The following SFTPB variants were observed in gnomAD, a reference collection of about 807,000 sequenced individuals.
SFTPB encodes pulmonary surfactant-associated protein B.
A neutral mutation model predicts 51.0 loss-of-function variants in SFTPB; 32 were observed. That is an observed-to-expected ratio of 0.63 (90% CI 0.47 to 0.84). The LOEUF (loss-of-function observed/expected upper bound fraction) is 0.84. Among genes scored for constraint, SFTPB ranks in the 40% least tolerant of loss-of-function variants. The pLI is 0.00. For missense variants in SFTPB, 431 were observed against 491.2 expected (o/e 0.88, Z 1.16); for synonymous variants, 211 against 208.5 (o/e 1.01, Z -0.10).
chr2:85,666,530 G>C, intron 4 of SFTPB, 87 bp downstream of exon 4: 3 of 1,270,364 alleles, frequency 2.4e-6, no homozygotes, highest in Non-Finnish European at 3.3e-6. Context: ...TGTCTGGCTG[G>C]CTGGGGTGCT....
rs1677411235 is a variant in SFTPB at position 85,663,472 on chromosome 2, C to T, written c.876G>A (p.Trp292Ter). The T allele has an allele frequency of 6.2e-7, 1 of 1,613,914 alleles. No homozygotes were observed. Among genetic ancestry groups the T allele is most frequent in the Admixed American group, 1.7e-5 (1 of 60,018 alleles). ...SAGPRSPTGE[W>*]LPRDSECHLC... Reference sequence around the variant, plus strand: ...GGTGGCACTCAGAGTCTCGCGGCAGCCATTCTCCTGTCGGCGACCCTGGAG... The same window carrying T: ...GGTGGCACTCAGAGTCTCGCGGCAGTCATTCTCCTGTCGGCGACCCTGGAG... The change falls in exon 8 of 11, where the codon TGG becomes TGA. Residue 292 changes from tryptophan to a stop codon, truncating the protein, a stop_gained. Transcript: ENST00000519937. LOFTEE classifies it high-confidence loss of function.
chr2:85,664,418 C>T (rs1677471183), intron 6 of SFTPB, among the ~76,000 whole-genome samples: 1 of 152,148 alleles, frequency 6.6e-6, no homozygotes, highest in Non-Finnish European at 1.5e-5. Flanking sequence ...GCCCTCAGCT[C>T]CGTCCCTGTC....
rs1015412274 is a variant in SFTPB at position 85,664,115 on chromosome 2, A to G, written c.673-268T>C. On this transcript the variant is annotated intron_variant, in intron 6 of 10. Coordinates refer to ENST00000519937, the MANE Select transcript of SFTPB (RefSeq NM_000542.5). ...CACAGCTAGTGACTCTCAGACTGAC[A>G]TGGTGGACCTGACCTTCCCCCAATG... Among the ~76,000 whole-genome samples, 4 of 152,286 alleles carry G rather than the reference A, an allele frequency of 2.6e-5. No homozygotes were observed. The South Asian group carries it at 6.2e-4, about 24-fold the overall frequency.
intron 10 of SFTPB, among the ~76,000 whole-genome samples, chr2:85,660,070 G>C (rs182890813): frequency 6.6e-6 from 1 of 151,894 alleles, no homozygotes; most frequent in South Asian, 2.1e-4. Flanking sequence ...GGAGGGCAGG[G>C]CTCAGCCATA....
In SFTPB at chr2:85,665,311, C is replaced by T. The variant is rs762917358; in HGVS notation, c.650G>A (p.Arg217Gln). ...CACCTTGGGAATCATGGCTTGGATC[C>T]GCTTGATCAGAGCCCTGCAGAGCCA... is the stretch of plus-strand genomic sequence containing the variant. ...YCWLCRALIK[R>Q]IQAMIPKGAL... Residue 217 changes from arginine to glutamine, a missense_variant, in exon 6 of 11, where the codon CGG becomes CAG. Arg to Gln is a conservative substitution (Grantham distance 43). Transcript: ENST00000519937. The T allele has an allele frequency of 1.2e-5, 20 of 1,613,758 alleles. No individual in the cohort carries two copies. Among genetic ancestry groups the T allele is most frequent in the African/African-American group, 5.3e-5 (4 of 74,880 alleles).
Position 85,667,770 on chromosome 2 carries a change from C to A in SFTPB, c.104G>T (p.Gly35Val). ...CAGGCTTTGGCACCAGAACTCAGGG[C>A]CCTGGGCACAGGCCAAGGATGAGGT... is the stretch of plus-strand genomic sequence containing the variant. ...WTTSSLACAQGPEFWCQSLEQ... is the reference protein window; with the variant it reads ...WTTSSLACAQVPEFWCQSLEQ... Residue 35 changes from glycine to valine, a missense_variant, in exon 2 of 11, where the codon GGC becomes GTC. Gly to Val is a moderately radical substitution (Grantham distance 109). Coordinates refer to ENST00000519937, the MANE Select transcript of SFTPB (RefSeq NM_000542.5). 1 of 1,614,268 alleles carries A rather than the reference C, an allele frequency of 6.2e-7. No homozygotes were observed. The highest frequency in any genetic ancestry group is 8.5e-7 in the Non-Finnish European group (1 of 1,180,044).
rs113189011 is a variant in SFTPB, at chr2:85,658,007, A to G, written c.*1695T>C. ...TAGGGTGGGGCAGGAACAAATCACA[A>G]TGGTGGAATGTCATCAGTTAAGGCA... On this transcript the variant is annotated 3_prime_UTR_variant, in exon 11 of 11. Transcript: ENST00000519937. 2.0e-5 allele frequency: 3 copies of G among 152,172 alleles called. No individual in the cohort carries two copies. The highest frequency in any genetic ancestry group is 3.9e-4 in the East Asian group (2 of 5,176). 9.4% of individuals were successfully genotyped at this position (152,172 alleles called of 1,614,324 possible).
intron 6 of SFTPB, 70 bp downstream of exon 6, chr2:85,665,219 G>T: frequency 1.7e-6 from 2 of 1,151,738 alleles, no homozygotes; most frequent in Non-Finnish European, 1.3e-6. Context: ...AGTTGGGAGA[G>T]AGGTGGGAGC....
intron 2 of SFTPB, 48 bp from the exon 3 acceptor site, chr2:85,667,225 C>G: frequency 1.4e-6 from 2 of 1,397,482 alleles, no homozygotes; most frequent in Non-Finnish European, 2.0e-6. Context: ...GTGGGGGAGG[C>G]TCCCAGCTCC....
At position 85,665,749 on chromosome 2, in the gene SFTPB, G is replaced by T; in HGVS notation, c.439C>A (p.Gln147Lys). 1 of 1,614,204 alleles carries T rather than the reference G, an allele frequency of 6.2e-7. No homozygotes were observed. Among genetic ancestry groups the T allele is most frequent in the Non-Finnish European group, 8.5e-7 (1 of 1,180,036 alleles). The change falls in exon 5 of 11, where the codon CAG becomes AAG. Residue 147 changes from glutamine to lysine, a missense_variant. Gln to Lys is a moderately conservative substitution (Grantham distance 53). Transcript: ENST00000519937. ...CCTGGCTCCTGCTCTGGCTCTGGCT[G>T]CCGGGATTTGCACAGGCCCAGGTGC... ...CMHLGLCKSR[Q>K]PEPEQEPGMS... is the part of the protein sequence containing the mutation.
intron 6 of SFTPB, among the ~76,000 whole-genome samples, chr2:85,664,289 G>A (rs1247696571): frequency 6.6e-6 from 1 of 152,116 alleles, no homozygotes; most frequent in Non-Finnish European, 1.5e-5. Flanking sequence ...GCATTACAGA[G>A]GGCTGGTTGC....
At chr2:85,667,271 C>G (rs1433372644) in intron 2 of SFTPB, 94 bp from the exon 3 acceptor site, 1 of 900,624 alleles carries the variant, frequency 1.1e-6, no homozygotes. Flanking sequence ...GCCAACAGAG[C>G]ACTCCAAGGC....
chr2:85,664,139 T>C (rs1329306885), intron 6 of SFTPB, among the ~76,000 whole-genome samples: 1 of 152,196 alleles, frequency 6.6e-6, no homozygotes, highest in African/African-American at 2.4e-5. Context: ...CTTCCCCCAA[T>C]GCTTGGGATT....
rs1250299552 is a variant in SFTPB, at chr2:85,659,537, A to C, written c.*165T>G. ...TGGGGGCCCGTGGTCCACCAGTGGA[A>C]GTGACTGCCGAGGAAGGGCGGTGAG... On this transcript the variant is annotated 3_prime_UTR_variant, in exon 11 of 11. Transcript: ENST00000519937. The C allele has an allele frequency of 6.6e-6, 1 of 152,544 alleles. No homozygotes were observed. The highest frequency in any genetic ancestry group is 2.1e-4 in the South Asian group (1 of 4,834). The allele number at this position is 152,544 out of a possible 1,614,324, so 9.4% of individuals were successfully genotyped here. A position where few individuals can be genotyped will look rare whatever the true frequency, so the allele number is the denominator to read the frequency against.
chr2:85,664,853 T>C (rs1351073985), intron 6 of SFTPB, among the ~76,000 whole-genome samples: 1 of 152,158 alleles, frequency 6.6e-6, no homozygotes, highest in Non-Finnish European at 1.5e-5. Context: ...CATTGGACAA[T>C]AGCCACTGCA....
Position 85,667,716 on chromosome 2 carries a change from C to G in SFTPB, c.158G>C (p.Gly53Ala), listed in dbSNP as rs543297835. 6.8e-6 allele frequency: 11 copies of G among 1,614,252 alleles called. No homozygotes were observed. In the East Asian group the frequency reaches 2.0e-4, roughly 29 times the overall value. The change falls in exon 2 of 11, where the codon GGG (glycine) becomes GCG (alanine). Residue 53 changes from glycine (G) to alanine (A), a missense_variant. By Grantham distance (60) the Gly-to-Ala change is moderately conservative (BLOSUM62 0). Transcript: ENST00000519937. ...LEQALQCRAL[G>A]HCLQEVWGHV... ...TCCCCAGACTTCCTGTAGGCAATGC[C>G]CTAGGGCTCTGCACTGCAATGCTTG...
At chr2:85,668,578 A>C (rs1573481310), upstream of SFTPB, 2 of 274,126 alleles carry the variant, frequency 7.3e-6, no homozygotes, top group Non-Finnish European at 7.1e-6. Context: ...GGCCCCCTCT[A>C]CTCTTGAGCA....
rs1677115733 is a variant in SFTPB at position 85,657,669 on chromosome 2, C to T, written c.*2033G>A. 1 of 152,212 alleles carries T rather than the reference C, an allele frequency of 6.6e-6. No individual in the cohort carries two copies. Among genetic ancestry groups the T allele is most frequent in the African/African-American group, 2.4e-5 (1 of 41,450 alleles). 9.4% of individuals were successfully genotyped at this position (152,212 alleles called of 1,614,324 possible). On this transcript the variant is annotated 3_prime_UTR_variant, in exon 11 of 11. Transcript: ENST00000519937. ...CACATGCTTCCCTGTGAAGAGACTA[C>T]CAAACAGGCTTTGTGTGAACAATAA...
intron 4 of SFTPB, 192 bp downstream of exon 4, chr2:85,666,425 G>T: frequency 1.5e-5 from 3 of 202,286 alleles, no homozygotes; most frequent in South Asian, 9.4e-5. Context: ...CTGGGGTGTT[G>T]TGTGTGTGTG....
Sources: allele counts gnomAD v4.1 joint callset (sites outside exome capture counted in the v4.1 genomes callset), GRCh38; gene constraint gnomAD v4.1.1; transcripts MANE v1.5; gene names NCBI Gene and HGNC (gene_info 2026-07-23, HGNC 2026-07-21).